The following ADCY2 variants were observed in gnomAD, a reference collection of about 807,000 sequenced individuals.
The protein encoded by ADCY2 is adenylate cyclase 2.
Under a neutral mutation model 125.2 loss-of-function variants are expected in ADCY2, and 31 were observed. The observed-to-expected ratio is 0.25, with a 90% CI of 0.19 to 0.33. ADCY2 has a LOEUF of 0.33. Ranked by LOEUF, ADCY2 falls within the 10% of genes least tolerant of loss-of-function variation. The pLI is 1.00. For synonymous variants in ADCY2, 512 were observed against 548.4 expected, an observed-to-expected ratio of 0.93 and a Z score of 0.93; for missense variants, 904 against 1,418.2, an observed-to-expected ratio of 0.64 and a Z score of 5.82.
chr5:7,685,714 T>A (rs1412594568), intron 4 of ADCY2, among the ~76,000 whole-genome samples: 1 of 152,194 alleles, frequency 6.6e-6, no homozygotes, highest in Admixed American at 6.5e-5. Context: ...AGGACTGTTA[T>A]TGTCTGAGAC....
chr5:7,658,399 TTG>T (rs369870574), intron 4 of ADCY2, among the ~76,000 whole-genome samples: 3,248 of 130,954 alleles, frequency 0.025, 261 homozygotes, highest in Admixed American at 0.17. Flanking sequence ...GTGAAGAGAA[TTG>T]TGTGTGTGTG....
chr5:7,621,705 G>A (rs1172825907), intron 3 of ADCY2, among the ~76,000 whole-genome samples: 2 of 152,188 alleles, frequency 1.3e-5, no homozygotes, highest in East Asian at 3.9e-4. Context: ...TATGAAAGGA[G>A]CAAAATAATA....
intron 7 of ADCY2, among the ~76,000 whole-genome samples, chr5:7,699,308 G>C (rs900333604): frequency 2.0e-5 from 3 of 150,278 alleles, no homozygotes; most frequent in African/African-American, 4.9e-5. Context: ...CGTTTTAGCC[G>C]GGATGGTCTC....
intron 2 of ADCY2, among the ~76,000 whole-genome samples, chr5:7,507,649 G>T (rs925721115): frequency 6.6e-6 from 1 of 152,014 alleles, no homozygotes; most frequent in Non-Finnish European, 1.5e-5. Context: ...TTCTTTCTTT[G>T]CATTTGATGA....
At chr5:7,573,593 CTTTTTTTTTTTTTT>C (rs763347773) in intron 3 of ADCY2, among the ~76,000 whole-genome samples, 1,067 of 86,406 alleles carry the variant, frequency 0.012, 24 homozygotes, top group African/African-American at 0.044. Context: ...GGTTGATTTT[CTTTTTTTTTTTTTT>C]TTTTTTTTTT....
rs188372898 is a variant in ADCY2, at chr5:7,428,690, A to T, written c.408+13920A>T. Among the ~76,000 whole-genome samples the T allele has an allele frequency of 1.6e-3, 241 of 152,360 alleles. 2 individuals are homozygous for T. The highest frequency in any genetic ancestry group is 0.012 in the South Asian group (57 of 4,828). On this transcript the variant is annotated intron_variant, in intron 2 of 24. Transcript: ENST00000338316. ...GTGTTTTGTATGTCCATGTTCAAAC[A>T]TGATGCAGAAATTGAGTCCTGATTT...
chr5:7,568,442 T>G (rs952184360), intron 3 of ADCY2, among the ~76,000 whole-genome samples: 1 of 152,088 alleles, frequency 6.6e-6, no homozygotes, highest in African/African-American at 2.4e-5. Context: ...CTTTTTTTTT[T>G]AAAGTTATTT....
rs368844228 is a variant in ADCY2 at position 7,757,334 on chromosome 5, TG to T, written c.1957-114del. On this transcript the variant is annotated intron_variant, in intron 15 of 24. Coordinates refer to ENST00000338316, the MANE Select transcript of ADCY2 (RefSeq NM_020546.3). Reference sequence around the variant, plus strand: ...TCCCCAGGGGAGGATAGAATCTACATGTTTAGTCTATGAACAATGTTGGTGC... The same window carrying T: ...TCCCCAGGGGAGGATAGAATCTACATTTTAGTCTATGAACAATGTTGGTGC... 1.1e-3 allele frequency: 1,477 copies of T among 1,334,526 alleles called. 13 individuals are homozygous for T. In the African/African-American group the frequency reaches 0.018, roughly 16 times the overall value. 82.7% of individuals were successfully genotyped at this position (1,334,526 alleles called of 1,614,324 possible).
At chr5:7,421,150 G>C (rs2126350364) in intron 2 of ADCY2, among the ~76,000 whole-genome samples, 1 of 152,294 alleles carries the variant, frequency 6.6e-6, no homozygotes, top group East Asian at 1.9e-4. Context: ...TCCTGTCACT[G>C]ATTTCAAAAA....
At chr5:7,554,256 A>T (rs1447749093) in intron 3 of ADCY2, among the ~76,000 whole-genome samples, 1 of 152,214 alleles carries the variant, frequency 6.6e-6, no homozygotes, top group African/African-American at 2.4e-5. Flanking sequence ...AAGTAAGTAA[A>T]TAAAGGGATT....
intron 4 of ADCY2, among the ~76,000 whole-genome samples, chr5:7,638,636 A>G (rs903940271): frequency 6.6e-6 from 1 of 152,358 alleles, no homozygotes; most frequent in East Asian, 1.9e-4. Context: ...TGACTCTGCC[A>G]GTCCAGGATC....
At chr5:7,678,265 C>T (rs953482377) in intron 4 of ADCY2, among the ~76,000 whole-genome samples, 8 of 152,124 alleles carry the variant, frequency 5.3e-5, no homozygotes, top group Non-Finnish European at 1.0e-4. Flanking sequence ...GGCCACATGT[C>T]TTCTGTCATG....
At chr5:7,618,313 T>G (rs1473198426) in intron 3 of ADCY2, among the ~76,000 whole-genome samples, 1 of 152,226 alleles carries the variant, frequency 6.6e-6, no homozygotes, top group Non-Finnish European at 1.5e-5. Flanking sequence ...TCTGCACTTT[T>G]TATGTGTAAT....
chr5:7,753,988 G>T (rs1490526558), intron 15 of ADCY2, among the ~76,000 whole-genome samples: 1 of 152,192 alleles, frequency 6.6e-6, no homozygotes, highest in Admixed American at 6.5e-5. Context: ...AAACAATTGT[G>T]AGGGAGAACT....
intron 2 of ADCY2, among the ~76,000 whole-genome samples, chr5:7,417,414 C>T (rs1739996830): frequency 6.6e-6 from 1 of 152,060 alleles, no homozygotes; most frequent in African/African-American, 2.4e-5. Context: ...TTTTCTTTCT[C>T]CCTTTCATAT....
chr5:7,471,132 C>T (rs573252792), intron 2 of ADCY2, among the ~76,000 whole-genome samples: 33 of 151,874 alleles, frequency 2.2e-4, no homozygotes, highest in Admixed American at 1.8e-3. Flanking sequence ...TTAACTTTTA[C>T]CCTATCAATG....
chr5:7,431,743 TAAC>T (rs1740609860), intron 2 of ADCY2, among the ~76,000 whole-genome samples: 1 of 152,000 alleles, frequency 6.6e-6, no homozygotes, highest in Admixed American at 6.5e-5. Context: ...ATAAGACAAA[TAAC>T]AACAAAAAAC....
chr5:7,465,793 C>G (rs1742091992), intron 2 of ADCY2, among the ~76,000 whole-genome samples: 1 of 152,122 alleles, frequency 6.6e-6, no homozygotes, highest in African/African-American at 2.4e-5. Context: ...AGAAATCCTC[C>G]TTTCTCTTAG....
At chr5:7,688,391 C>T (rs1740595118) in intron 4 of ADCY2, among the ~76,000 whole-genome samples, 1 of 151,948 alleles carries the variant, frequency 6.6e-6, no homozygotes, top group African/African-American at 2.4e-5. Flanking sequence ...CCTCAGCCTC[C>T]CAAGTAGCTG....
Sources: allele counts gnomAD v4.1 joint callset (sites outside exome capture counted in the v4.1 genomes callset), GRCh38; gene constraint gnomAD v4.1.1; transcripts MANE v1.5; gene names NCBI Gene and HGNC (gene_info 2026-07-23, HGNC 2026-07-21).